The following RAB10 variants were observed in gnomAD, a reference collection of about 807,000 sequenced individuals.
The protein encoded by RAB10 is ras-related protein Rab-10.
A neutral mutation model predicts 25.7 loss-of-function variants in RAB10; 5 were observed. The observed-to-expected ratio is 0.19, with a 90% CI of 0.10 to 0.41. RAB10 has a LOEUF of 0.41. RAB10 is among the 10% of genes least tolerant of loss of function. The probability of loss-of-function intolerance (pLI) is 1.00; values close to 1 mark genes in which losing one functional copy is unlikely to be tolerated. For missense variants in RAB10, 103 were observed against 245.8 expected, an observed-to-expected ratio of 0.42 and a Z score of 3.89; for synonymous variants, 89 against 86.4, an observed-to-expected ratio of 1.03 and a Z score of -0.16.
intron 5 of RAB10, among the ~76,000 whole-genome samples, chr2:26,133,508 A>G (rs1668048162): frequency 6.6e-6 from 1 of 152,186 alleles, no homozygotes; most frequent in Non-Finnish European, 1.5e-5. Context: ...ATTATGTTCT[A>G]TATCCTGATC....
Position 26,051,833 on chromosome 2 carries a change from G to A in RAB10, c.127+17098G>A, listed in dbSNP as rs186919037. The stretch of plus-strand genomic sequence containing the variant: ...AGCACTTTGGGAGGCTGAGGCAGGC[G>A]GATCAGGAGGTCAGGAGTTCCAAGA... On this transcript the variant is annotated intron_variant, in intron 1 of 5. Transcript: ENST00000264710. Among the ~76,000 whole-genome samples, 469 of 151,622 alleles carry A rather than the reference G, an allele frequency of 3.1e-3. 3 individuals are homozygous for A. The highest frequency in any genetic ancestry group is 0.011 in the African/African-American group (441 of 41,388).
Position 26,072,717 on chromosome 2 carries a change from C to T in RAB10, c.128-25945C>T, listed in dbSNP as rs1442345578. 2.0e-5 allele frequency among the ~76,000 whole-genome samples: 3 copies of T among 152,120 alleles called. No individual in the cohort carries two copies. The East Asian group carries it at 5.8e-4, about 29-fold the overall frequency. On this transcript the variant is annotated intron_variant, in intron 1 of 5. Transcript: ENST00000264710. ...TTGTATGCTTCATCAGCCAAAACAG[C>T]ATATTACAATAAATTGGATGCAGAA...
At chr2:26,041,938 GTTGT>G (rs1665898975) in intron 1 of RAB10, among the ~76,000 whole-genome samples, 2 of 152,070 alleles carry the variant, frequency 1.3e-5, no homozygotes, top group South Asian at 4.1e-4. Flanking sequence ...AAATTGAAAG[GTTGT>G]TTGAAAAATA....
In RAB10 at chr2:26,131,531, C is replaced by T. The variant is rs371314057; in HGVS notation, c.520-3407C>T. Among the ~76,000 whole-genome samples, 16 of 152,176 alleles carry T rather than the reference C, an allele frequency of 1.1e-4. No individual in the cohort carries two copies. In the South Asian group the frequency reaches 2.7e-3, roughly 26 times the overall value. On this transcript the variant is annotated intron_variant, in intron 5 of 5. Coordinates refer to ENST00000264710, the MANE Select transcript of RAB10 (RefSeq NM_016131.5). The stretch of plus-strand genomic sequence containing the variant: ...AACTTAAAATGAAAGCAATTTAAAA[C>T]ATCTTTTAATTTAATTATTTGGCTA...
intron 5 of RAB10, among the ~76,000 whole-genome samples, chr2:26,128,506 C>T (rs1667947353): frequency 6.6e-6 from 1 of 152,112 alleles, no homozygotes; most frequent in South Asian, 2.1e-4. Flanking sequence ...CTGTCTAGTC[C>T]CTAGTTCAAT....
chr2:26,043,159 G>A (rs1042538976), intron 1 of RAB10, among the ~76,000 whole-genome samples: 2 of 149,070 alleles, frequency 1.3e-5, no homozygotes, highest in African/African-American at 5.1e-5. Context: ...AGGCAAGGTG[G>A]CTTATGCCCG....
At chr2:26,087,848 T>TA (rs757629698) in intron 1 of RAB10, among the ~76,000 whole-genome samples, 1 of 152,262 alleles carries the variant, frequency 6.6e-6, no homozygotes, top group Non-Finnish European at 1.5e-5. Flanking sequence ...ACTACGCTGT[T>TA]ACTATTATTA....
At chr2:26,083,642 C>T (rs1666918167) in intron 1 of RAB10, among the ~76,000 whole-genome samples, 1 of 152,016 alleles carries the variant, frequency 6.6e-6, no homozygotes, top group South Asian at 2.1e-4. Context: ...TTTTTGTATG[C>T]TAGTAGCTGG....
intron 3 of RAB10, among the ~76,000 whole-genome samples, chr2:26,111,889 G>A (rs560906682): frequency 6.6e-5 from 10 of 152,268 alleles, no homozygotes; most frequent in African/African-American, 2.4e-4. Context: ...GCAAGTCCTG[G>A]GTCCCCAGGC....
At chr2:26,047,403 TTTTG>T (rs143254612) in intron 1 of RAB10, among the ~76,000 whole-genome samples, 79 of 146,788 alleles carry the variant, frequency 5.4e-4, no homozygotes, top group East Asian at 4.1e-4. Flanking sequence ...GTATCATTTG[TTTTG>T]TTTGTTTGTT....
intron 1 of RAB10, among the ~76,000 whole-genome samples, chr2:26,045,875 A>T (rs1049097530): frequency 3.3e-5 from 5 of 151,502 alleles, no homozygotes; most frequent in Admixed American, 6.6e-5. Flanking sequence ...TTTATATATA[A>T]AAAAAGAGTT....
chr2:26,126,659 A>G (rs1397082788), intron 3 of RAB10, among the ~76,000 whole-genome samples: 2 of 152,232 alleles, frequency 1.3e-5, no homozygotes, highest in Non-Finnish European at 2.9e-5. Flanking sequence ...TATTTCTGCA[A>G]AAATTGTCAT....
chr2:26,097,238 G>A (rs1488350732), intron 1 of RAB10, among the ~76,000 whole-genome samples: 1 of 151,950 alleles, frequency 6.6e-6, no homozygotes, highest in Non-Finnish European at 1.5e-5. Flanking sequence ...CAAAAAACCA[G>A]AAAATGAAAA....
At chr2:26,087,802 ATCT>A (rs1415101472) in intron 1 of RAB10, among the ~76,000 whole-genome samples, 4 of 152,354 alleles carry the variant, frequency 2.6e-5, no homozygotes, top group South Asian at 4.1e-4. Flanking sequence ...CCATGCAAAG[ATCT>A]TCTAACAGTG....
At position 26,136,957 on chromosome 2, in the gene RAB10, T is replaced by C. The variant is rs968169240; in HGVS notation, c.*1936T>C. 2 of 152,698 alleles carry C rather than the reference T, an allele frequency of 1.3e-5. No homozygotes were observed. The highest frequency in any genetic ancestry group is 4.1e-4 in the South Asian group (2 of 4,838). 9.5% of individuals were successfully genotyped at this position (152,698 alleles called of 1,614,324 possible). On this transcript the variant is annotated 3_prime_UTR_variant, in exon 6 of 6. Transcript: ENST00000264710. ...GTTAAGCTTTTTGAAAAGTTTAGGT[T>C]AAACCTACTGTTGTTAGATTAATGT...
At chr2:26,075,789 T>G (rs1451062702) in intron 1 of RAB10, among the ~76,000 whole-genome samples, 1 of 152,136 alleles carries the variant, frequency 6.6e-6, no homozygotes, top group African/African-American at 2.4e-5. Context: ...ATATCTGAAT[T>G]CATTTTTCAG....
rs1425819016 is a variant in RAB10, at chr2:26,135,172, G to A, written c.*151G>A. The stretch of plus-strand genomic sequence containing the variant: ...ACCTATTTTATTTGTTCTTTCATCT[G>A]TGACTGCTTGCTGACTTTATCATAA... On this transcript the variant is annotated 3_prime_UTR_variant, in exon 6 of 6. Transcript: ENST00000264710. 1.3e-5 allele frequency: 7 copies of A among 546,762 alleles called. No homozygotes were observed. Among genetic ancestry groups the A allele is most frequent in the Non-Finnish European group, 2.2e-5 (7 of 322,608 alleles). 33.9% of individuals were successfully genotyped at this position (546,762 alleles called of 1,614,324 possible).
At chr2:26,056,002 C>A (rs1416475890) in intron 1 of RAB10, among the ~76,000 whole-genome samples, 1 of 151,988 alleles carries the variant, frequency 6.6e-6, no homozygotes, top group Non-Finnish European at 1.5e-5. Context: ...TCAAGCGATC[C>A]TTCCACCTCA....
At chr2:26,130,920 G>A (rs1356790488) in intron 5 of RAB10, among the ~76,000 whole-genome samples, 1 of 152,072 alleles carries the variant, frequency 6.6e-6, no homozygotes, top group African/African-American at 2.4e-5. Flanking sequence ...GCAAGACCTA[G>A]TGAAACGCTC....
Sources: gnomAD v4.1 joint callset for allele counts (sites outside exome capture counted in the v4.1 genomes callset) on GRCh38, gnomAD v4.1.1 for gene constraint, MANE v1.5 for transcripts, NCBI Gene and HGNC (gene_info 2026-07-23, HGNC 2026-07-21) for gene names.